FANCM: variants seen among roughly 807,000 people sequenced by gnomAD.
FANCM encodes the protein Fanconi anemia group M protein.
FANCM carries 140 observed loss-of-function variants against 199.5 expected under a neutral mutation model. The observed-to-expected ratio is 0.70, with a 90% CI of 0.61 to 0.81. The LOEUF (loss-of-function observed/expected upper bound fraction) is 0.81, where lower values mean the gene tolerates loss of function less well. FANCM is among the 30% of genes least tolerant of loss of function. FANCM has a pLI of 0.00. For missense variants in FANCM, 2,410 were observed against 2,421.4 expected (o/e 1.00, Z 0.10); for synonymous variants, 840 against 836.8 (o/e 1.00, Z -0.07).
intron 14 of FANCM, among the ~76,000 whole-genome samples, chr14:45,177,548 T>A (rs1344116303): frequency 6.6e-6 from 1 of 152,096 alleles, no homozygotes. Flanking sequence ...CCCACCATCA[T>A]GCCCGGCTAA....
chr14:45,192,037 C>G (rs1019410646), intron 20 of FANCM, among the ~76,000 whole-genome samples: 6 of 151,758 alleles, frequency 4.0e-5, no homozygotes, highest in African/African-American at 1.5e-4. Context: ...ATTTATTATT[C>G]ATTTTTAAAA....
rs1404023053 is a variant in FANCM, at chr14:45,189,034, A to G, written c.5012A>G (p.Asp1671Gly). The G allele has an allele frequency of 1.9e-6, 3 of 1,614,062 alleles. No individual in the cohort carries two copies. Among genetic ancestry groups the G allele is most frequent in the East Asian group, 2.2e-5 (1 of 44,874 alleles). Residue 1671 changes from aspartate (D) to glycine (G), a missense_variant, in exon 20 of 23, where the codon GAT becomes GGT. Asp to Gly is a moderately conservative substitution (Grantham distance 94, BLOSUM62 -1). Transcript: ENST00000267430. ...KKKLSRIILP[D>G]DSSEEENNVN... ...AAATTATCCAGAATTATTTTACCAG[A>G]TGATTCAAGTGAGGAGGAGAACAAT...
chr14:45,138,151 C>A (rs1405538912), intron 2 of FANCM, among the ~76,000 whole-genome samples: 1 of 151,958 alleles, frequency 6.6e-6, no homozygotes, highest in Non-Finnish European at 1.5e-5. Context: ...AAGTATGGAT[C>A]TTGCTGGAGA....
intron 14 of FANCM, among the ~76,000 whole-genome samples, chr14:45,180,408 A>G (rs566550937): frequency 6.6e-6 from 1 of 151,518 alleles, no homozygotes; most frequent in Non-Finnish European, 1.5e-5. Context: ...ACCTCTTCGT[A>G]GGGTAGTTTG....
At chr14:45,137,944 T>A (rs1885638841) in intron 2 of FANCM, 1 of 151,476 alleles carries the variant, frequency 6.6e-6, no homozygotes, top group South Asian at 2.1e-4. Context: ...AGAAGAAGGC[T>A]AAAGACAGAG....
chr14:45,170,779 C>G, intron 12 of FANCM, 33 bp downstream of exon 12: 1 of 1,578,938 alleles, frequency 6.3e-7, no homozygotes, highest in East Asian at 2.3e-5. Context: ...TGTTCTTTTC[C>G]CCCCCCTCAT....
chr14:45,146,593 G>A (rs2139141877), intron 3 of FANCM, among the ~76,000 whole-genome samples: 1 of 152,086 alleles, frequency 6.6e-6, no homozygotes, highest in Middle Eastern at 3.4e-3. Flanking sequence ...CCCTTTGGGA[G>A]GCCGAGGCGG....
chr14:45,156,603 A>T (rs913057276), intron 8 of FANCM, among the ~76,000 whole-genome samples: 17 of 152,062 alleles, frequency 1.1e-4, no homozygotes, highest in Admixed American at 2.0e-4. Flanking sequence ...GTATTTGTTG[A>T]TGGATTAGAC....
rs142763060 is a variant in FANCM, at chr14:45,173,161, G to T, written c.2267G>T (p.Arg756Leu). The T allele has an allele frequency of 5.0e-6, 8 of 1,613,550 alleles. No homozygotes were observed. The East Asian group carries it at 1.1e-4, about 22-fold the overall frequency. ...CAAGTTGATCACTCAGATCGATGCC[G>T]CCATTTTATAGGCCTTATGCAAATG... ...THQVDHSDRC[R>L]HFIGLMQMIE... The change falls in exon 13 of 23, where the codon CGC (arginine) becomes CTC (leucine). Residue 756 changes from arginine (R) to leucine (L), a missense_variant. By Grantham distance (102) the Arg-to-Leu change is moderately radical. Transcript: ENST00000267430.
Position 45,151,432 on chromosome 14 carries a change from G to A in FANCM, c.954G>A (p.Arg318=), listed in dbSNP as rs763895177. Residue 318 remains arginine, a synonymous_variant, in exon 5 of 23, where the codon AGG becomes AGA. Transcript: ENST00000267430. ...CATTTGCTCGTTCTTTGATTCAGAG[G>A]AATGTTTTGATGAGAAGGGATATCC... ...LESFARSLIQ[R]NVLMRRDIPN... 35 of 1,613,330 alleles carry A rather than the reference G, an allele frequency of 2.2e-5. No individual in the cohort carries two copies. In the Admixed American group the frequency reaches 4.7e-4, roughly 22 times the overall value.
intron 3 of FANCM, among the ~76,000 whole-genome samples, chr14:45,145,721 G>A (rs1345289741): frequency 1.3e-5 from 2 of 152,026 alleles, no homozygotes; most frequent in Non-Finnish European, 2.9e-5. Context: ...TCAGGAGATC[G>A]AGACCACACT....
At chr14:45,155,226 T>C in intron 7 of FANCM, 147 bp from the exon 8 acceptor site, 1 of 502,482 alleles carries the variant, frequency 2.0e-6, no homozygotes, top group Non-Finnish European at 3.6e-6. Context: ...ACTTACGTGC[T>C]ACCTAGATGT....
intron 5 of FANCM, among the ~76,000 whole-genome samples, chr14:45,153,276 C>T (rs1402486898): frequency 1.3e-5 from 2 of 152,338 alleles, no homozygotes; most frequent in East Asian, 3.8e-4. Flanking sequence ...TGCTACTTAA[C>T]ATTTGTATGA....
At chr14:45,186,299 A>G (rs1161293261) in intron 18 of FANCM, among the ~76,000 whole-genome samples, 3 of 152,210 alleles carry the variant, frequency 2.0e-5, no homozygotes, top group African/African-American at 7.2e-5. Context: ...GTTAAGACCA[A>G]CTGCAATACA....
intron 5 of FANCM, among the ~76,000 whole-genome samples, chr14:45,152,915 T>A (rs2139165637): frequency 6.6e-6 from 1 of 152,322 alleles, no homozygotes. Context: ...TAAAAAGATG[T>A]TTTGATTTCT....
At chr14:45,164,095 A>G (rs1887789056) in intron 9 of FANCM, among the ~76,000 whole-genome samples, 1 of 152,010 alleles carries the variant, frequency 6.6e-6, no homozygotes. Context: ...ACATGCATAC[A>G]CCATCATGCT....
intron 10 of FANCM, among the ~76,000 whole-genome samples, chr14:45,165,097 G>T (rs1887873567): frequency 6.6e-6 from 1 of 152,144 alleles, no homozygotes; most frequent in Non-Finnish European, 1.5e-5. Context: ...TTCATACTGT[G>T]CTACAATCTT....
chr14:45,171,168 C>T (rs1186580107), intron 12 of FANCM, among the ~76,000 whole-genome samples: 1 of 149,220 alleles, frequency 6.7e-6, no homozygotes, highest in African/African-American at 2.5e-5. Context: ...GATGAGGTCT[C>T]GCTCTGTTGT....
At chr14:45,140,791 A>G in intron 3 of FANCM, 82 bp downstream of exon 3, 1 of 889,876 alleles carries the variant, frequency 1.1e-6, no homozygotes, top group South Asian at 1.3e-5. Flanking sequence ...CTGTAATCCT[A>G]GTGCTTTGGG....
Sources: allele counts gnomAD v4.1 joint callset (sites outside exome capture counted in the v4.1 genomes callset), GRCh38; gene constraint gnomAD v4.1.1; transcripts MANE v1.5; gene names NCBI Gene and HGNC (gene_info 2026-07-23, HGNC 2026-07-21).